CKMT1B: variants seen among roughly 807,000 people sequenced by gnomAD.
CKMT1B encodes the protein creatine kinase, mitochondrial 1B, also known as creatine kinase U-type, mitochondrial.
CKMT1B carries 13 observed loss-of-function variants against 21.8 expected under a neutral mutation model. That is an observed-to-expected ratio of 0.60 (90% confidence interval 0.39 to 0.95). The LOEUF is 0.95. Ranked by LOEUF, CKMT1B falls within the 40% of genes least tolerant of loss-of-function variation. The pLI, the probability that CKMT1B is intolerant of heterozygous loss-of-function variation, is 0.00. For missense variants in CKMT1B, 157 were observed against 227.5 expected, an observed-to-expected ratio of 0.69 and a Z score of 1.99; for synonymous variants, 50 against 80.3, an observed-to-expected ratio of 0.62 and a Z score of 2.02.
At chr15:43,597,355 A>G in intron 6 of CKMT1B, 1 of 1,087,078 alleles carries the variant, frequency 9.2e-7, no homozygotes, top group Non-Finnish European at 1.2e-6. Context: ...AATTGGGATA[A>G]TGAGATTTTC....
At chr15:43,597,972 T>A in intron 6 of CKMT1B, 1 of 1,388,000 alleles carries the variant, frequency 7.2e-7, no homozygotes, top group Non-Finnish European at 9.3e-7. Flanking sequence ...CATAAGATAT[T>A]TTTTCACAAT....
chr15:43,598,436 T>A, intron 7 of CKMT1B, 109 bp downstream of exon 7: 1 of 1,533,202 alleles, frequency 6.5e-7, no homozygotes, highest in Non-Finnish European at 8.8e-7. Context: ...GGCTAAAGGG[T>A]CAGAGGACAG....
chr15:43,597,768 T>C (rs962859072), intron 6 of CKMT1B: 1 of 999,590 alleles, frequency 1.0e-6, no homozygotes, highest in African/African-American at 1.9e-5. Flanking sequence ...ATCTTACCTC[T>C]TCCTGGCAAA....
In CKMT1B at chr15:43,596,416, A is replaced by G. The variant is rs937182282; in HGVS notation, c.761A>G (p.Asn254Ser). ...CCCTCTCCGGCCCTCAGGCACAACA[A>G]TGAGAAGAGCTTCCTGATCTGGGTG... ...WPDARGIWHN[N>S]EKSFLIWVNE... is the part of the protein sequence containing the mutation. Residue 254 changes from asparagine to serine, a missense_variant, in exon 6 of 9, where the codon AAT (asparagine) becomes AGT (serine). Asn to Ser is a conservative substitution (Grantham distance 46, BLOSUM62 1). Coordinates refer to ENST00000441322, the MANE Select transcript of CKMT1B (RefSeq NM_001375484.1). The G allele has an allele frequency of 8.2e-6, 13 of 1,580,006 alleles. 1 individual carries two copies. Among genetic ancestry groups the G allele is most frequent in the African/African-American group, 3.1e-5 (2 of 64,646 alleles).
chr15:43,598,918 A>G lies in CKMT1B; in HGVS notation c.1103A>G (p.Asp368Gly). The G allele has an allele frequency of 1.2e-6, 2 of 1,610,450 alleles. No homozygotes were observed. Among genetic ancestry groups the G allele is most frequent in the Non-Finnish European group, 1.7e-6 (2 of 1,179,672 alleles). The stretch of plus-strand genomic sequence containing the variant: ...ACTGCTGCTACAGGCGGTGTCTTTG[A>G]TATTTCTAATTTGGACCGACTAGGC... ...VDTAATGGVF[D>G]ISNLDRLGKS... The change falls in exon 8 of 9, where the codon GAT becomes GGT. Residue 368 changes from aspartate to glycine, a missense_variant. Asp to Gly is a moderately conservative substitution (Grantham distance 94, BLOSUM62 -1). Transcript: ENST00000441322.
Position 43,598,290 on chromosome 15 carries a change from G to C in CKMT1B, c.974G>C (p.Arg325Pro), listed in dbSNP as rs781244702. ...TCPSNLGTGLRAGVHIKLPLL... is the reference protein window; with the variant it reads ...TCPSNLGTGLPAGVHIKLPLL... ...CCATCTAACCTGGGCACTGGACTTC[G>C]GGCAGGAGTGCACATCAAACTGCCC... Residue 325 changes from arginine to proline, a missense_variant, in exon 7 of 9, where the codon CGG (arginine) becomes CCG (proline). By Grantham distance (103) the Arg-to-Pro change is moderately radical (BLOSUM62 -2). Coordinates refer to ENST00000441322, the MANE Select transcript of CKMT1B (RefSeq NM_001375484.1). 1 of 1,607,222 alleles carries C rather than the reference G, an allele frequency of 6.2e-7. No homozygotes were observed. Among genetic ancestry groups the C allele is most frequent in the Non-Finnish European group, 8.5e-7 (1 of 1,178,848 alleles).
In CKMT1B at chr15:43,598,924, C is replaced by A; in HGVS notation, c.1109C>A (p.Ser370Tyr). ...TAATGGVFDISNLDRLGKSEV... is the reference protein window; with the variant it reads ...TAATGGVFDIYNLDRLGKSEV... ...GCTACAGGCGGTGTCTTTGATATTT[C>A]TAATTTGGACCGACTAGGCAAATCA... Residue 370 changes from serine (S) to tyrosine (Y), a missense_variant, in exon 8 of 9, where the codon TCT (serine) becomes TAT (tyrosine). Physicochemically the swap from Ser to Tyr is moderately radical, Grantham distance 144. Coordinates refer to ENST00000441322, the MANE Select transcript of CKMT1B (RefSeq NM_001375484.1). 6.2e-7 allele frequency: 1 copy of A among 1,610,554 alleles called. No individual in the cohort carries two copies. The highest frequency in any genetic ancestry group is 8.5e-7 in the Non-Finnish European group (1 of 1,179,660).
At chr15:43,598,492 C>T (rs2085616803) in intron 7 of CKMT1B, among the ~76,000 whole-genome samples, 165 bp downstream of exon 7, 1 of 148,982 alleles carries the variant, frequency 6.7e-6, no homozygotes, top group Non-Finnish European at 1.5e-5. Context: ...CTTGGGAGGC[C>T]AAGGCAGGCA....
chr15:43,597,278 C>A, intron 6 of CKMT1B: 1 of 454,480 alleles, frequency 2.2e-6, no homozygotes, highest in Non-Finnish European at 3.6e-6. Context: ...TAATAGATAA[C>A]ATATTCTGAC....
rs557884688 is a variant in CKMT1B, at chr15:43,596,995, G to A, written c.876+464G>A. ...TCTATCATTCTTGTTAAAGTATCGG[G>A]TCTAGGCTTTAAGTTGAGAGTTCGG... is the stretch of plus-strand genomic sequence containing the variant. On this transcript the variant is annotated intron_variant, in intron 6 of 8. Transcript: ENST00000441322. Among the ~76,000 whole-genome samples, 26 of 148,768 alleles carry A rather than the reference G, an allele frequency of 1.7e-4. 1 individual carries two copies. The highest frequency in any genetic ancestry group is 3.3e-4 in the Admixed American group (5 of 15,182).
rs368391563 is a variant in CKMT1B at position 43,599,280 on chromosome 15, A to G, written c.*7A>G. On this transcript the variant is annotated 3_prime_UTR_variant, in exon 9 of 9. Coordinates refer to ENST00000441322, the MANE Select transcript of CKMT1B (RefSeq NM_001375484.1). ...CATCCACACCAAGCATTAACTCCCC[A>G]TCGCCAGCTGATGACTCAAGATTCC... The G allele has an allele frequency of 1.2e-6, 2 of 1,613,466 alleles. No individual in the cohort carries two copies. The highest frequency in any genetic ancestry group is 1.3e-5 in the African/African-American group (1 of 74,754).
At chr15:43,596,676 G>C (rs1210396392) in intron 6 of CKMT1B, 145 bp downstream of exon 6, 1 of 1,299,412 alleles carries the variant, frequency 7.7e-7, no homozygotes, top group South Asian at 1.5e-5. Context: ...CAGGACTAAA[G>C]GTGTAAACCA....
Position 43,598,866 on chromosome 15 carries a change from C to T in CKMT1B, c.1051C>T (p.Gln351Ter). ...AAAGATCCTGGAGAACCTAAGACTC[C>T]AAAAACGTGGTACTGGAGGAGTGGA... ...FPKILENLRL[Q>*]KRGTGGVDTA... The change falls in exon 8 of 9, where the codon CAA becomes TAA. Residue 351 changes from glutamine to a stop codon, truncating the protein, a stop_gained. Coordinates refer to ENST00000441322, the MANE Select transcript of CKMT1B (RefSeq NM_001375484.1). LOFTEE classifies it high-confidence loss of function. The T allele has an allele frequency of 6.2e-7, 1 of 1,608,906 alleles. No individual in the cohort carries two copies. The highest frequency in any genetic ancestry group is 8.5e-7 in the Non-Finnish European group (1 of 1,179,468).
Position 43,596,709 on chromosome 15 carries a change from C to T in CKMT1B, c.876+178C>T, listed in dbSNP as rs183186835. Reference sequence around the variant, plus strand: ...CCAGCTGGGACCATACTGGGAAAACCAGGACATGTGGTCACACTAAGATTA... The same window carrying T: ...CCAGCTGGGACCATACTGGGAAAACTAGGACATGTGGTCACACTAAGATTA... On this transcript the variant is annotated intron_variant, in intron 6 of 8. Transcript: ENST00000441322. The T allele has an allele frequency of 4.9e-4, 461 of 938,772 alleles. 47 individuals carry two copies. In the African/African-American group the frequency reaches 7.3e-3, roughly 15 times the overall value. 58.2% of individuals were successfully genotyped at this position (938,772 alleles called of 1,614,324 possible).
At position 43,596,473 on chromosome 15, in the gene CKMT1B, T is replaced by C; in HGVS notation, c.818T>C (p.Met273Thr). ...NEEDHTRVISMEKGGNMKRVF... is the reference protein window; with the variant it reads ...NEEDHTRVISTEKGGNMKRVF... ...GAGGATCATACACGGGTGATCTCCATGGAGAAGGGTGGTAACATGAAGAGA... is the reference window on the plus strand; with the variant it reads ...GAGGATCATACACGGGTGATCTCCACGGAGAAGGGTGGTAACATGAAGAGA... The change falls in exon 6 of 9, where the codon ATG becomes ACG. Residue 273 changes from methionine (M) to threonine (T), a missense_variant. By Grantham distance (81) the Met-to-Thr change is moderately conservative. Transcript: ENST00000441322. The C allele has an allele frequency of 3.1e-6, 5 of 1,601,000 alleles. No homozygotes were observed. Among genetic ancestry groups the C allele is most frequent in the Non-Finnish European group, 4.3e-6 (5 of 1,176,284 alleles).
intron 7 of CKMT1B, 139 bp from the exon 8 acceptor site, chr15:43,598,688 A>T: frequency 2.4e-6 from 3 of 1,231,736 alleles, no homozygotes; most frequent in Non-Finnish European, 2.2e-6. Context: ...GACCCTGTCT[A>T]AAAAAAATTA....
chr15:43,597,661 C>T, intron 6 of CKMT1B: 4 of 915,412 alleles, frequency 4.4e-6, no homozygotes, highest in Non-Finnish European at 4.1e-6. Flanking sequence ...CAAACGCCTT[C>T]CCCCCGCCCC....
intron 6 of CKMT1B, chr15:43,597,722 T>A (rs1056443311): frequency 2.8e-5 from 29 of 1,029,230 alleles, no homozygotes; most frequent in Admixed American, 4.8e-5. Context: ...TTCTCTGCAT[T>A]CACACAGGTG....
At chr15:43,598,430 A>G in intron 7 of CKMT1B, 103 bp downstream of exon 7, 1 of 1,555,218 alleles carries the variant, frequency 6.4e-7, no homozygotes, top group Non-Finnish European at 8.7e-7. Flanking sequence ...TGTTGTGGCT[A>G]AAGGGTCAGA....
Sources: allele counts gnomAD v4.1 joint callset (sites outside exome capture counted in the v4.1 genomes callset), GRCh38; gene constraint gnomAD v4.1.1; transcripts MANE v1.5; gene names NCBI Gene and HGNC (gene_info 2026-07-23, HGNC 2026-07-21).